Variants in DLGAP2 observed in about 807,000 individuals in gnomAD.
DLGAP2 encodes DLG associated protein 2.
In DLGAP2, 26 loss-of-function variants were observed where a neutral mutation model predicts 100.3. The observed-to-expected ratio is 0.26, with a 90% CI of 0.19 to 0.36. The LOEUF is 0.36. Ranked by LOEUF, DLGAP2 falls within the 10% of genes least tolerant of loss-of-function variation. The pLI is 1.00. For synonymous variants in DLGAP2, 886 were observed against 630.1 expected, an observed-to-expected ratio of 1.41 and a Z score of -6.08; for missense variants, 1,858 against 1,453.2, an observed-to-expected ratio of 1.28 and a Z score of -4.53.
chr8:1,524,231 G>A (rs1468586187), intron 4 of DLGAP2, among the ~76,000 whole-genome samples: 1 of 152,138 alleles, frequency 6.6e-6, no homozygotes, highest in African/African-American at 2.4e-5. Context: ...TGAGAGGCCG[G>A]CAGGGAGGAA....
intron 1 of DLGAP2, among the ~76,000 whole-genome samples, chr8:782,144 A>G (rs1045936303): frequency 2.6e-5 from 4 of 152,170 alleles, no homozygotes; most frequent in East Asian, 1.9e-4. Flanking sequence ...ATTTTATTAT[A>G]TGAATGTAAC....
chr8:919,248 G>C (rs998610363), intron 2 of DLGAP2, among the ~76,000 whole-genome samples: 15 of 152,190 alleles, frequency 9.9e-5, no homozygotes, highest in Non-Finnish European at 2.1e-4. Flanking sequence ...AATATGGTAG[G>C]ACTGGTAGGA....
intron 2 of DLGAP2, among the ~76,000 whole-genome samples, chr8:1,157,014 G>T (rs1796804728): frequency 6.6e-6 from 1 of 151,932 alleles, no homozygotes; most frequent in African/African-American, 2.4e-5. Context: ...GTTTCAGGCA[G>T]GCCAGGGCCC....
In DLGAP2 at chr8:848,974, G is replaced by A. The variant is rs557836567; in HGVS notation, c.19-58938G>A. On this transcript the variant is annotated intron_variant, in intron 1 of 14. Transcript: ENST00000637795. ...GCGGTGCCTGTTCCAGCATAGGATC[G>A]TGAGGTGCCTGTTCCAGCATAGGAT... 4.9e-4 allele frequency among the ~76,000 whole-genome samples: 73 copies of A among 150,308 alleles called. 1 individual carries two copies. The highest frequency in any genetic ancestry group is 1.6e-3 in the African/African-American group (65 of 40,172).
At chr8:1,200,941 G>A (rs1166534822) in intron 2 of DLGAP2, among the ~76,000 whole-genome samples, 3 of 152,230 alleles carry the variant, frequency 2.0e-5, no homozygotes, top group East Asian at 3.9e-4. Flanking sequence ...AGCTCCAGGA[G>A]CGTGTTGTGC....
At chr8:1,029,014 C>A (rs1046509862) in intron 2 of DLGAP2, among the ~76,000 whole-genome samples, 5 of 152,070 alleles carry the variant, frequency 3.3e-5, no homozygotes, top group African/African-American at 1.2e-4. Context: ...GGCGAGGGAT[C>A]CAAGCTGTCC....
intron 2 of DLGAP2, among the ~76,000 whole-genome samples, chr8:1,118,485 C>T (rs78877230): frequency 0.11 from 16,554 of 152,196 alleles, 1,016 homozygotes; most frequent in East Asian, 0.19. Context: ...GGACAAATGT[C>T]TTCATTATAA....
intron 3 of DLGAP2, chr8:1,380,937 CAAAAAA>C (rs34675828): frequency 2.3e-4 from 18 of 77,124 alleles, no homozygotes; most frequent in Admixed American, 3.4e-4. Flanking sequence ...GAACATGATT[CAAAAAA>C]AAAAAAAAAA....
intron 2 of DLGAP2, among the ~76,000 whole-genome samples, chr8:1,175,216 C>G (rs1167690506): frequency 2.0e-5 from 3 of 151,658 alleles, no homozygotes; most frequent in African/African-American, 4.8e-5. Flanking sequence ...CCGCAGTGAG[C>G]ACAGAAATGT....
chr8:1,299,383 TG>T (rs1461482060), intron 3 of DLGAP2, among the ~76,000 whole-genome samples: 1 of 152,236 alleles, frequency 6.6e-6, no homozygotes. Context: ...CAGATTCTCA[TG>T]GCCCTTCTTT....
At chr8:1,113,169 G>A (rs1187826693) in intron 2 of DLGAP2, among the ~76,000 whole-genome samples, 1 of 151,974 alleles carries the variant, frequency 6.6e-6, no homozygotes, top group East Asian at 1.9e-4. Context: ...TGCTTATGAT[G>A]GCCTTGGATA....
intron 4 of DLGAP2, among the ~76,000 whole-genome samples, chr8:1,525,082 C>A (rs979594600): frequency 3.3e-5 from 5 of 151,684 alleles, no homozygotes; most frequent in African/African-American, 1.2e-4. Context: ...TGAGTGTGCT[C>A]AAATTCCTTG....
intron 2 of DLGAP2, among the ~76,000 whole-genome samples, chr8:1,138,958 G>A (rs1796472792): frequency 6.6e-6 from 1 of 152,104 alleles, no homozygotes; most frequent in South Asian, 2.1e-4. Context: ...AACTCTTCCT[G>A]TTTATTTACT....
chr8:1,421,422 CACACA>C (rs1324313052), intron 3 of DLGAP2, among the ~76,000 whole-genome samples: 1 of 152,182 alleles, frequency 6.6e-6, no homozygotes, highest in African/African-American at 2.4e-5. Flanking sequence ...TAATAACACC[CACACA>C]AGAGACATGG....
At chr8:1,664,294 G>T (rs907511098) in intron 8 of DLGAP2, among the ~76,000 whole-genome samples, 2 of 152,130 alleles carry the variant, frequency 1.3e-5, no homozygotes, top group Admixed American at 6.5e-5. Context: ...GGTACATCTA[G>T]GCACAGGCTA....
At chr8:1,301,949 G>C (rs1022509683) in intron 3 of DLGAP2, 2 of 152,374 alleles carry the variant, frequency 1.3e-5, no homozygotes, top group African/African-American at 4.8e-5. Context: ...TTCTAGGAGA[G>C]TAGTATGCAC....
At chr8:1,294,331 C>G (rs192289340) in intron 3 of DLGAP2, among the ~76,000 whole-genome samples, 1 of 152,180 alleles carries the variant, frequency 6.6e-6, no homozygotes, top group African/African-American at 2.4e-5. Context: ...ATTAGAACCT[C>G]GGAGAAGCCA....
chr8:881,995 C>A (rs1400579349), intron 1 of DLGAP2, among the ~76,000 whole-genome samples: 1 of 152,184 alleles, frequency 6.6e-6, no homozygotes, highest in African/African-American at 2.4e-5. Context: ...GTATATTCCA[C>A]CTTTCCAGAG....
At chr8:1,320,706 C>T (rs944521875) in intron 3 of DLGAP2, among the ~76,000 whole-genome samples, 1 of 152,218 alleles carries the variant, frequency 6.6e-6, no homozygotes, top group Non-Finnish European at 1.5e-5. Context: ...CTTCCCAGCA[C>T]CTTGTGCACA....
Sources: gnomAD v4.1 joint callset for allele counts (sites outside exome capture counted in the v4.1 genomes callset) on GRCh38, gnomAD v4.1.1 for gene constraint, MANE v1.5 for transcripts, NCBI Gene and HGNC (gene_info 2026-07-23, HGNC 2026-07-21) for gene names.